CWF19L2: variants seen among roughly 807,000 people sequenced by gnomAD.
CWF19L2 encodes CWF19-like protein 2.
Under a neutral mutation model 111.7 loss-of-function variants are expected in CWF19L2, and 98 were observed. That is an observed-to-expected ratio of 0.88 (90% CI 0.75 to 1.04). CWF19L2 has a LOEUF of 1.04. Among genes scored for constraint, CWF19L2 ranks in the 50% least tolerant of loss-of-function variants. CWF19L2 has a pLI of 0.00. For synonymous variants in CWF19L2, 351 were observed against 342.9 expected, an observed-to-expected ratio of 1.02 and a Z score of -0.26; for missense variants, 1,101 against 1,051.4, an observed-to-expected ratio of 1.05 and a Z score of -0.65.
intron 12 of CWF19L2, among the ~76,000 whole-genome samples, chr11:107,356,118 T>C (rs1044674429): frequency 6.6e-6 from 1 of 152,128 alleles, no homozygotes; most frequent in Non-Finnish European, 1.5e-5. Flanking sequence ...CCTGGTATTG[T>C]GCACTTCTAA....
chr11:107,326,955 A>G lies in CWF19L2; in HGVS notation c.2640T>C (p.Ala880=), dbSNP rs764010139. The G allele has an allele frequency of 1.3e-5, 21 of 1,611,852 alleles. No homozygotes were observed. The highest frequency in any genetic ancestry group is 1.6e-5 in the Non-Finnish European group (19 of 1,179,004). Residue 880 remains alanine, a synonymous_variant, in exon 18 of 18, where the codon GCT becomes GCC. Coordinates refer to ENST00000282251, the MANE Select transcript of CWF19L2 (RefSeq NM_152434.3). ...TGAAGTCATATGGTTTCCACCACTG[A>G]GCAAACTGCAGTGCTTTTTTCCTCT... is the stretch of plus-strand genomic sequence containing the variant. ...EDQRKKALQF[A]QWWKPYDFTK... is the part of the protein sequence containing the mutation.
At chr11:107,342,786 A>T (rs1383642851) in intron 14 of CWF19L2, among the ~76,000 whole-genome samples, 3 of 152,218 alleles carry the variant, frequency 2.0e-5, no homozygotes, top group African/African-American at 7.2e-5. Flanking sequence ...CAGGAAGATT[A>T]TCCTGGATTG....
intron 6 of CWF19L2, among the ~76,000 whole-genome samples, chr11:107,434,333 T>C (rs1861510252): frequency 6.6e-6 from 1 of 152,170 alleles, no homozygotes; most frequent in South Asian, 2.1e-4. Flanking sequence ...TTACCAACCA[T>C]GAACATTTGA....
chr11:107,405,556 AC>A (rs375913622), intron 10 of CWF19L2, among the ~76,000 whole-genome samples: 2 of 89,192 alleles, frequency 2.2e-5, no homozygotes, highest in Admixed American at 1.0e-4. Flanking sequence ...TGATGAACTA[AC>A]AAAAAAAACA....
Position 107,454,628 on chromosome 11 carries a change from G to C in CWF19L2, c.217-56C>G, listed in dbSNP as rs1420398231. 3.4e-6 allele frequency: 4 copies of C among 1,183,692 alleles called. No individual in the cohort carries two copies. In the African/African-American group the frequency reaches 6.4e-5, roughly 19 times the overall value. The allele number at this position is 1,183,692 out of a possible 1,614,324, so 73.3% of individuals were successfully genotyped here. On this transcript the variant is annotated intron_variant, in intron 2 of 17. Coordinates refer to ENST00000282251, the MANE Select transcript of CWF19L2 (RefSeq NM_152434.3). Reference sequence around the variant, plus strand: ...ATTTAATTTCATCTTAATTTAAAAGGATGTATTCTGAGAGAAAAAAAATAA... The same window carrying C: ...ATTTAATTTCATCTTAATTTAAAAGCATGTATTCTGAGAGAAAAAAAATAA...
Position 107,326,876 on chromosome 11 carries a change from A to G in CWF19L2, c.*34T>C. Reference sequence around the variant, plus strand: ...TGCAATGGAAATAAAACTGAACGGGATCTGAAGAAAAATTTTAAAATGGAA... The same window carrying G: ...TGCAATGGAAATAAAACTGAACGGGGTCTGAAGAAAAATTTTAAAATGGAA... On this transcript the variant is annotated 3_prime_UTR_variant, in exon 18 of 18. Transcript: ENST00000282251. 1 of 1,546,284 alleles carries G rather than the reference A, an allele frequency of 6.5e-7. No individual in the cohort carries two copies. Among genetic ancestry groups the G allele is most frequent in the Non-Finnish European group, 8.7e-7 (1 of 1,147,346 alleles).
intron 10 of CWF19L2, among the ~76,000 whole-genome samples, chr11:107,401,666 T>C (rs1249994028): frequency 2.0e-5 from 3 of 151,932 alleles, no homozygotes; most frequent in African/African-American, 4.8e-5. Context: ...CCAAAAGCAA[T>C]CTACAAATTC....
At chr11:107,440,158 G>A (rs75823188) in intron 5 of CWF19L2, among the ~76,000 whole-genome samples, 2 of 152,088 alleles carry the variant, frequency 1.3e-5, no homozygotes, top group Non-Finnish European at 2.9e-5. Context: ...CAAAGTAAAG[G>A]GTGCTAAAGA....
chr11:107,421,797 C>T (rs1458110565), intron 8 of CWF19L2, among the ~76,000 whole-genome samples: 1 of 152,092 alleles, frequency 6.6e-6, no homozygotes, highest in Non-Finnish European at 1.5e-5. Flanking sequence ...AACAGTTTAG[C>T]AGTTTCTTAG....
chr11:107,376,491 T>C (rs1860601497), intron 12 of CWF19L2, among the ~76,000 whole-genome samples: 1 of 86,140 alleles, frequency 1.2e-5, no homozygotes, highest in African/African-American at 7.1e-5. Flanking sequence ...ATCCAGCATA[T>C]AAACAGAGCC....
At chr11:107,341,940 T>A (rs2134532848) in intron 14 of CWF19L2, among the ~76,000 whole-genome samples, 1 of 152,258 alleles carries the variant, frequency 6.6e-6, no homozygotes, top group Non-Finnish European at 1.5e-5. Flanking sequence ...GGTAACTTGT[T>A]TTTTCTCATT....
At chr11:107,356,065 C>G (rs1591159274) in intron 12 of CWF19L2, among the ~76,000 whole-genome samples, 1 of 152,084 alleles carries the variant, frequency 6.6e-6, no homozygotes, top group Non-Finnish European at 1.5e-5. Context: ...AAATCAGTAA[C>G]AGAAATATTT....
At chr11:107,374,549 A>C (rs10890727) in intron 12 of CWF19L2, among the ~76,000 whole-genome samples, 52,848 of 115,546 alleles carry the variant, frequency 0.46, 13,421 homozygotes, top group African/African-American at 0.66. Context: ...GAAATAAAAT[A>C]CTTTACAGAC....
At chr11:107,441,959 G>A (rs1030641889) in intron 4 of CWF19L2, among the ~76,000 whole-genome samples, 22 of 152,294 alleles carry the variant, frequency 1.4e-4, no homozygotes, top group Non-Finnish European at 1.2e-4. Context: ...GTGGCTAACA[G>A]TGGACAAATT....
In CWF19L2 at chr11:107,431,965, A is replaced by G. The variant is rs948262146; in HGVS notation, c.780+1669T>C. Among the ~76,000 whole-genome samples, 6 of 152,282 alleles carry G rather than the reference A, an allele frequency of 3.9e-5. No homozygotes were observed. The South Asian group carries it at 1.2e-3, about 32-fold the overall frequency. ...TATATTCCAGAAAAATTAAAGATAA[A>G]ACATAAAAAATAAAACTGAACAAGC... On this transcript the variant is annotated intron_variant, in intron 7 of 17. Transcript: ENST00000282251.
At chr11:107,334,607 G>A (rs1029660338) in intron 16 of CWF19L2, among the ~76,000 whole-genome samples, 2 of 152,142 alleles carry the variant, frequency 1.3e-5, no homozygotes, top group East Asian at 1.9e-4. Context: ...CAGTTCTCAC[G>A]GCAGACTCTA....
At chr11:107,405,206 T>C (rs1448958162) in intron 10 of CWF19L2, among the ~76,000 whole-genome samples, 1 of 152,218 alleles carries the variant, frequency 6.6e-6, no homozygotes, top group East Asian at 1.9e-4. Context: ...AACACAACCA[T>C]GCTCATTCAT....
intron 12 of CWF19L2, among the ~76,000 whole-genome samples, chr11:107,388,245 T>C (rs1178956882): frequency 1.3e-5 from 2 of 152,242 alleles, no homozygotes; most frequent in Non-Finnish European, 2.9e-5. Flanking sequence ...TATATATTTG[T>C]TCACTTTCTC....
intron 14 of CWF19L2, among the ~76,000 whole-genome samples, chr11:107,340,924 T>C (rs994490138): frequency 3.3e-5 from 5 of 152,202 alleles, no homozygotes; most frequent in Admixed American, 2.0e-4. Context: ...CCTTCGTCCA[T>C]CCTCAGTATT....
Sources: allele counts gnomAD v4.1 joint callset (sites outside exome capture counted in the v4.1 genomes callset), GRCh38; gene constraint gnomAD v4.1.1; transcripts MANE v1.5; gene names NCBI Gene and HGNC (gene_info 2026-07-23, HGNC 2026-07-21).